Variants in PPARGC1A observed in about 807,000 individuals in gnomAD.
PPARGC1A encodes the protein peroxisome proliferator-activated receptor gamma coactivator 1-alpha.
A neutral mutation model predicts 88.7 loss-of-function variants in PPARGC1A; 25 were observed. That is an observed-to-expected ratio of 0.28 (90% CI 0.21 to 0.39). The LOEUF is 0.39. Ranked by LOEUF, PPARGC1A falls within the 10% of genes least tolerant of loss-of-function variation. The pLI is 1.00. For synonymous variants in PPARGC1A, 363 were observed against 355.6 expected, an observed-to-expected ratio of 1.02 and a Z score of -0.24; for missense variants, 880 against 968.7, an observed-to-expected ratio of 0.91 and a Z score of 1.22.
chr4:24,406,136 C>G, the PPARGC1A span, among the ~76,000 whole-genome samples: 3 of 152,220 alleles, frequency 2.0e-5, no homozygotes, highest in Non-Finnish European at 4.4e-5. Flanking sequence ...GACTGCAGTG[C>G]TGCACGTAAA....
chr4:24,379,081 G>T, the PPARGC1A span, among the ~76,000 whole-genome samples: 1 of 151,868 alleles, frequency 6.6e-6, no homozygotes, highest in Admixed American at 6.6e-5. Context: ...TCAAGAAAAA[G>T]GTTATTCAAC....
chr4:24,177,242 A>G, the PPARGC1A span, among the ~76,000 whole-genome samples: 1 of 152,202 alleles, frequency 6.6e-6, no homozygotes, highest in Non-Finnish European at 1.5e-5. Context: ...GATAGACTGG[A>G]TTAAGAAAAT....
chr4:24,005,182 T>G, the PPARGC1A span, among the ~76,000 whole-genome samples: 7 of 151,954 alleles, frequency 4.6e-5, no homozygotes, highest in Non-Finnish European at 8.8e-5. Flanking sequence ...TTAAAGAAAA[T>G]TACAAGCACT....
upstream of PPARGC1A, among the ~76,000 whole-genome samples, chr4:23,906,214 C>T (rs1371648485): frequency 6.6e-6 from 1 of 152,144 alleles, no homozygotes; most frequent in African/African-American, 2.4e-5. Context: ...TATTATAATG[C>T]CACCCTTCTC....
chr4:24,161,608 G>A, the PPARGC1A span, among the ~76,000 whole-genome samples: 26 of 152,086 alleles, frequency 1.7e-4, no homozygotes, highest in Non-Finnish European at 1.0e-4. Context: ...AGCCTGGGCC[G>A]GCAGCAAACT....
At chr4:24,345,264 T>C in the PPARGC1A span, among the ~76,000 whole-genome samples, 1 of 123,528 alleles carries the variant, frequency 8.1e-6, no homozygotes, top group Non-Finnish European at 1.7e-5. Context: ...ATACGAATTT[T>C]AGAATTTTTT....
chr4:23,801,796 C>T lies in PPARGC1A; in HGVS notation c.2227G>A (p.Glu743Lys), dbSNP rs767567742. The T allele has an allele frequency of 4.2e-5, 68 of 1,613,868 alleles. No homozygotes were observed. The highest frequency in any genetic ancestry group is 5.1e-5 in the Non-Finnish European group (60 of 1,179,972). The change falls in exon 12 of 13, where the codon GAA (glutamate) becomes AAA (lysine). Residue 743 changes from glutamate (E) to lysine (K), a missense_variant. Physicochemically the swap from Glu to Lys is moderately conservative, Grantham distance 56. Coordinates refer to ENST00000264867, the MANE Select transcript of PPARGC1A (RefSeq NM_013261.5). ...CAAAAGTACAGCTCAAAGTCAGTTT[C>T]GTTTGACCTGCGCAAAGTGTATCCA... ...ENGYTLRRSN[E>K]TDFELYFCGR...
At chr4:24,344,967 C>T in the PPARGC1A span, among the ~76,000 whole-genome samples, 3 of 152,170 alleles carry the variant, frequency 2.0e-5, no homozygotes, top group Non-Finnish European at 2.9e-5. Flanking sequence ...CATTCTCCTA[C>T]ATGTGGCTAG....
At chr4:24,234,226 C>T in the PPARGC1A span, among the ~76,000 whole-genome samples, 1 of 152,176 alleles carries the variant, frequency 6.6e-6, no homozygotes, top group Non-Finnish European at 1.5e-5. Context: ...TAGCTGGACA[C>T]TTTGGTAACT....
At chr4:23,956,119 T>G in the PPARGC1A span, among the ~76,000 whole-genome samples, 1 of 152,108 alleles carries the variant, frequency 6.6e-6, no homozygotes, top group Admixed American at 6.6e-5. Context: ...CTTCAACTAC[T>G]TAAAAATATA....
intron 2 of PPARGC1A, among the ~76,000 whole-genome samples, chr4:23,882,416 T>G (rs907998634): frequency 2.6e-5 from 4 of 152,200 alleles, no homozygotes; most frequent in Non-Finnish European, 4.4e-5. Flanking sequence ...CCTCAGTGCT[T>G]TTTTCATTGG....
the PPARGC1A span, among the ~76,000 whole-genome samples, chr4:24,005,267 G>T: frequency 1.3e-5 from 2 of 152,010 alleles, no homozygotes; most frequent in Non-Finnish European, 2.9e-5. Context: ...GAAAAAAAAA[G>T]ATATGAGTCA....
the PPARGC1A span, among the ~76,000 whole-genome samples, chr4:24,436,393 C>G: frequency 6.6e-6 from 1 of 152,234 alleles, no homozygotes; most frequent in Non-Finnish European, 1.5e-5. Flanking sequence ...GCAGAGGTGG[C>G]CAACGAGTTG....
At chr4:24,231,802 GC>G in the PPARGC1A span, among the ~76,000 whole-genome samples, 1 of 151,540 alleles carries the variant, frequency 6.6e-6, no homozygotes, top group South Asian at 2.1e-4. Flanking sequence ...ATATAATAGT[GC>G]CAGAGTGAAA....
rs567434150 is a variant in PPARGC1A at position 23,865,149 on chromosome 4, C to T, written c.234+19603G>A. ...GTAGTGAACCAAGATCATACCACTG[C>T]ACTCCAGTGTGGGCAACAGAGTGAG... On this transcript the variant is annotated intron_variant, in intron 2 of 12. Coordinates refer to ENST00000264867, the MANE Select transcript of PPARGC1A (RefSeq NM_013261.5). Among the ~76,000 whole-genome samples, 3 of 152,302 alleles carry T rather than the reference C, an allele frequency of 2.0e-5. No homozygotes were observed. In the South Asian group the frequency reaches 6.2e-4, roughly 32 times the overall value.
the PPARGC1A span, among the ~76,000 whole-genome samples, chr4:24,071,931 T>C: frequency 0.23 from 35,707 of 151,988 alleles, 4,742 homozygotes; most frequent in East Asian, 0.38. Flanking sequence ...AGTCATTTAG[T>C]ATCTTATAAG....
At chr4:24,472,127 T>A in the PPARGC1A span, among the ~76,000 whole-genome samples, 1 of 150,456 alleles carries the variant, frequency 6.6e-6, no homozygotes, top group Non-Finnish European at 1.5e-5. The surrounding 1 kb of genome is among the most constrained non-coding windows in gnomAD (Gnocchi z 4.5). Flanking sequence ...TGGGAGGTGG[T>A]GGGGGAAGGT....
At chr4:24,169,150 C>A in the PPARGC1A span, among the ~76,000 whole-genome samples, 62 of 152,134 alleles carry the variant, frequency 4.1e-4, 3 homozygotes, top group African/African-American at 1.4e-3. Context: ...TCCTAAACAC[C>A]CATGAGCCCA....
chr4:24,366,613 G>GT, the PPARGC1A span, among the ~76,000 whole-genome samples: 1 of 152,126 alleles, frequency 6.6e-6, no homozygotes, highest in Non-Finnish European at 1.5e-5. Context: ...AGCATAAAAT[G>GT]TTTGGGACGT....
Sources: gnomAD v4.1 joint callset for allele counts (sites outside exome capture counted in the v4.1 genomes callset) on GRCh38, gnomAD v4.1.1 for gene constraint, Gnocchi (gnomAD v3.1) non-coding constraint, MANE v1.5 for transcripts, NCBI Gene and HGNC (gene_info 2026-07-23, HGNC 2026-07-21) for gene names.